The following FARP1 variants were observed in gnomAD, a reference collection of about 807,000 sequenced individuals.
The protein encoded by FARP1 is FERM, ARH/RhoGEF and pleckstrin domain protein 1, also known as FERM, ARHGEF and pleckstrin domain-containing protein 1.
A neutral mutation model predicts 128.8 loss-of-function variants in FARP1; 52 were observed. That is an observed-to-expected ratio of 0.40 (90% CI 0.32 to 0.51). FARP1 has a LOEUF of 0.51. Among genes scored for constraint, FARP1 ranks in the 20% least tolerant of loss-of-function variants. The pLI is 0.45. For missense variants in FARP1, 1,333 were observed against 1,367.9 expected (o/e 0.97, Z 0.40); for synonymous variants, 580 against 551.8 (o/e 1.05, Z -0.72).
chr13:98,208,611 G>A (rs1880457836), intron 1 of FARP1: 1 of 153,020 alleles, frequency 6.5e-6, no homozygotes, highest in East Asian at 1.9e-4. Flanking sequence ...ACGACATAAG[G>A]AGTGAATAAA....
At chr13:98,399,563 T>C (rs1239437195) in intron 13 of FARP1, 1 of 152,256 alleles carries the variant, frequency 6.6e-6, no homozygotes, top group Non-Finnish European at 1.5e-5. Flanking sequence ...TACAGACTTC[T>C]GAATGCATTC....
At chr13:98,163,829 C>T (rs1877055309) in intron 1 of FARP1, among the ~76,000 whole-genome samples, 1 of 152,108 alleles carries the variant, frequency 6.6e-6, no homozygotes, top group Non-Finnish European at 1.5e-5. Flanking sequence ...CTGCCTCAGC[C>T]TCCCCAGTAG....
intron 1 of FARP1, among the ~76,000 whole-genome samples, chr13:98,197,829 G>A (rs3855639): frequency 0.37 from 56,214 of 151,404 alleles, 12,211 homozygotes; most frequent in Non-Finnish European, 0.48. Context: ...GTAGAGACGG[G>A]GTTTCACTGT....
At chr13:98,436,049 G>T in intron 19 of FARP1, 1 of 327,754 alleles carries the variant, frequency 3.1e-6, no homozygotes, top group Non-Finnish European at 6.2e-6. Flanking sequence ...AAAAAAATTA[G>T]GTAAATAGTA....
rs1297603474 is a variant in FARP1 at position 98,452,921 on chromosome 13, A to T, written c.*4604A>T. On this transcript the variant is annotated 3_prime_UTR_variant, in exon 27 of 27. Coordinates refer to ENST00000319562, the MANE Select transcript of FARP1 (RefSeq NM_005766.4). The stretch of plus-strand genomic sequence containing the variant: ...GAATATGTGCACTATGGTTAAAATT[A>T]AAAACAAAAGTAATAAAATAAAATA... The T allele has an allele frequency of 2.4e-6, 1 of 415,548 alleles. No individual in the cohort carries two copies. The highest frequency in any genetic ancestry group is 4.2e-6 in the Non-Finnish European group (1 of 235,358). 25.7% of individuals were successfully genotyped at this position (415,548 alleles called of 1,614,324 possible).
chr13:98,362,826 G>A (rs1888926419), intron 3 of FARP1, among the ~76,000 whole-genome samples: 1 of 152,228 alleles, frequency 6.6e-6, no homozygotes, highest in Non-Finnish European at 1.5e-5. Context: ...TGGCACCAGT[G>A]TCTGCCCAGA....
chr13:98,154,785 G>A (rs9582197), intron 1 of FARP1, among the ~76,000 whole-genome samples: 15,457 of 152,164 alleles, frequency 0.1, 1,095 homozygotes, highest in African/African-American at 0.2. Context: ...ATCTATGGCC[G>A]CATGACACAT....
At chr13:98,441,636 GTA>G (rs1892529065) in intron 24 of FARP1, among the ~76,000 whole-genome samples, 1 of 152,226 alleles carries the variant, frequency 6.6e-6, no homozygotes, top group Admixed American at 6.5e-5. Context: ...GGGCCAGGGA[GTA>G]AGTTTATAGC....
chr13:98,245,149 C>A, intron 2 of FARP1: 1 of 991,828 alleles, frequency 1.0e-6, no homozygotes, highest in Non-Finnish European at 1.2e-6. Context: ...AAGTTTAATT[C>A]CTGAAAGGGT....
chr13:98,309,153 C>CTTTTTT lies in FARP1; in HGVS notation c.172-34584_172-34579dup, dbSNP rs56030081. ...TATATTAATATTAATTTTAAGAGGCCTTTTTTTTTTTTTTTTTTTTTTTTT... is the reference window on the plus strand; with the variant it reads ...TATATTAATATTAATTTTAAGAGGCCTTTTTTTTTTTTTTTTTTTTTTTTTTTTTTT... On this transcript the variant is annotated intron_variant, in intron 2 of 26. Coordinates refer to ENST00000319562, the MANE Select transcript of FARP1 (RefSeq NM_005766.4). 8.9e-5 allele frequency among the ~76,000 whole-genome samples: 8 copies of CTTTTTT among 89,670 alleles called. 1 individual carries two copies. Among genetic ancestry groups the CTTTTTT allele is most frequent in the South Asian group, 4.6e-4 (1 of 2,186 alleles). The allele number at this position is 89,670 out of a possible 152,430, so 58.8% of individuals were successfully genotyped here.
chr13:98,430,950 C>G, intron 17 of FARP1, 93 bp from the exon 18 acceptor site: 1 of 732,630 alleles, frequency 1.4e-6, no homozygotes, highest in Admixed American at 2.3e-5. Context: ...ATAGAGAGTG[C>G]AGGAGCGCTT....
chr13:98,176,541 C>G lies in FARP1; in HGVS notation c.-24+33049C>G, dbSNP rs770024902. On this transcript the variant is annotated intron_variant, in intron 1 of 26. Transcript: ENST00000319562. This position sits in a 1 kb window ranked among gnomAD's most constrained non-coding sequence, Gnocchi z 6.2. ...CGTCCTCGCAGATACAGTAGCGACCCTCTTCAAGCTCCCGTTCAATCTCCC... is the reference window on the plus strand; with the variant it reads ...CGTCCTCGCAGATACAGTAGCGACCGTCTTCAAGCTCCCGTTCAATCTCCC... 6 of 1,614,236 alleles carry G rather than the reference C, an allele frequency of 3.7e-6. No individual in the cohort carries two copies. The highest frequency in any genetic ancestry group is 1.1e-5 in the South Asian group (1 of 91,086).
chr13:98,288,598 C>T (rs7993097), intron 2 of FARP1, among the ~76,000 whole-genome samples: 7,007 of 152,248 alleles, frequency 0.046, 532 homozygotes, highest in African/African-American at 0.16. Context: ...GATTCTGAGG[C>T]CCTTGGGCCC....
chr13:98,235,576 A>G (rs1287180378), intron 2 of FARP1, among the ~76,000 whole-genome samples: 1 of 152,110 alleles, frequency 6.6e-6, no homozygotes, highest in African/African-American at 2.4e-5. Context: ...GATAGCTTAG[A>G]GTGGGTGGGA....
intron 24 of FARP1, among the ~76,000 whole-genome samples, chr13:98,442,651 G>C (rs140921578): frequency 7.9e-4 from 120 of 152,340 alleles, no homozygotes; most frequent in African/African-American, 2.8e-3. Flanking sequence ...AAGCTTGCGG[G>C]TCTGAGACTT....
intron 12 of FARP1, among the ~76,000 whole-genome samples, chr13:98,394,473 G>C (rs1890436329): frequency 6.6e-6 from 1 of 152,190 alleles, no homozygotes; most frequent in Admixed American, 6.5e-5. Context: ...CCCCCTGTGG[G>C]CTGGAAGGGC....
chr13:98,371,218 G>GTTTT (rs33975048), intron 5 of FARP1, among the ~76,000 whole-genome samples: 1 of 124,716 alleles, frequency 8.0e-6, no homozygotes, highest in Non-Finnish European at 1.6e-5. Flanking sequence ...CCCGCCCCCC[G>GTTTT]TTTTTTTTTT....
intron 16 of FARP1, 86 bp from the exon 17 acceptor site, chr13:98,424,486 G>T (rs1409961630): frequency 2.0e-5 from 17 of 842,246 alleles, no homozygotes; most frequent in Non-Finnish European, 3.5e-5. Flanking sequence ...TGATTGGAAA[G>T]GAAGCGGTAG....
intron 8 of FARP1, among the ~76,000 whole-genome samples, chr13:98,386,510 A>G (rs1890104908): frequency 6.6e-6 from 1 of 152,198 alleles, no homozygotes; most frequent in African/African-American, 2.4e-5. Context: ...TAAAGTGCAC[A>G]CACTTGAAGT....
Sources: gnomAD v4.1 joint callset for allele counts (sites outside exome capture counted in the v4.1 genomes callset) on GRCh38, gnomAD v4.1.1 for gene constraint, Gnocchi (gnomAD v3.1) non-coding constraint, MANE v1.5 for transcripts, NCBI Gene and HGNC (gene_info 2026-07-23, HGNC 2026-07-21) for gene names.